Variants in DHRS12 observed in about 807,000 individuals in gnomAD.
DHRS12 encodes the protein dehydrogenase/reductase 12, also known as dehydrogenase/reductase SDR family member 12.
In DHRS12, 29 loss-of-function variants were observed where a neutral mutation model predicts 32.1. That is an observed-to-expected ratio of 0.90 (90% CI 0.67 to 1.23). The LOEUF is 1.23. DHRS12 is among the 50% of genes most tolerant of loss of function. DHRS12 has a pLI of 0.00. For missense variants in DHRS12, 330 were observed against 337.2 expected (o/e 0.98, Z 0.17); for synonymous variants, 150 against 135.9 (o/e 1.10, Z -0.72).
chr13:51,797,879 G>T (rs1379791933), intron 2 of DHRS12: 1 of 1,535,792 alleles, frequency 6.5e-7, no homozygotes, highest in Non-Finnish European at 8.7e-7. Context: ...GCTGGGGCTT[G>T]ATCTCGACAA....
intron 1 of DHRS12, among the ~76,000 whole-genome samples, chr13:51,800,445 G>C (rs536243832): frequency 6.6e-6 from 1 of 152,342 alleles, no homozygotes; most frequent in South Asian, 2.1e-4. Context: ...AAGGGCAGTG[G>C]TGGCAGAATG....
intron 2 of DHRS12, chr13:51,797,734 T>C (rs1955571057): frequency 3.0e-6 from 4 of 1,344,278 alleles, no homozygotes; most frequent in Non-Finnish European, 3.1e-6. Context: ...ACAGGCCCTC[T>C]TCAACCCAGG....
At chr13:51,792,451 G>A (rs1331706024) in intron 2 of DHRS12, among the ~76,000 whole-genome samples, 1 of 152,004 alleles carries the variant, frequency 6.6e-6, no homozygotes, top group African/African-American at 2.4e-5. Context: ...CCAGGCTAGA[G>A]TGCAGTGGCA....
At chr13:51,791,914 C>T (rs1455732124) in intron 2 of DHRS12, among the ~76,000 whole-genome samples, 1 of 152,212 alleles carries the variant, frequency 6.6e-6, no homozygotes, top group Non-Finnish European at 1.5e-5. Flanking sequence ...TCATCCATGT[C>T]GTTGCAGGAT....
chr13:51,785,351 A>C (rs1001264638), intron 4 of DHRS12, among the ~76,000 whole-genome samples: 36 of 152,178 alleles, frequency 2.4e-4, no homozygotes, highest in African/African-American at 8.0e-4. Context: ...TGTAAAAAAA[A>C]AAACAAACCC....
In DHRS12 at chr13:51,787,755, ATATATAAT is replaced by A. The variant is rs1355911197; in HGVS notation, c.301+2248_301+2255del. ...ACATATAATTATATTATATATTTTTATATATAATTATATAAATTATATATAATTTATAA... is the reference window on the plus strand; with the variant it reads ...ACATATAATTATATTATATATTTTTATATATAAATTATATATAATTTATAA... On this transcript the variant is annotated intron_variant, in intron 4 of 8. Transcript: ENST00000444610. 2.5e-4 allele frequency among the ~76,000 whole-genome samples: 16 copies of A among 63,886 alleles called. No individual in the cohort carries two copies. The East Asian group carries it at 0.013, about 52-fold the overall frequency. The allele number at this position is 63,886 out of a possible 152,430, so 41.9% of individuals were successfully genotyped here.
chr13:51,791,382 C>T, intron 2 of DHRS12, 125 bp from the exon 3 acceptor site: 3 of 509,710 alleles, frequency 5.9e-6, no homozygotes, highest in South Asian at 3.1e-5. Context: ...ACGGAAAATA[C>T]CAGTCCCACT....
At chr13:51,771,240 C>T (rs1253875513) in intron 7 of DHRS12, 3 of 1,551,688 alleles carry the variant, frequency 1.9e-6, no homozygotes, top group Admixed American at 3.9e-5. Context: ...CTGCTGCTTT[C>T]AGTTCCCTTG....
At chr13:51,793,659 C>G (rs1955381765) in intron 2 of DHRS12, among the ~76,000 whole-genome samples, 1 of 152,104 alleles carries the variant, frequency 6.6e-6, no homozygotes, top group Admixed American at 6.5e-5. Flanking sequence ...TGTGAAGGCC[C>G]TCACCCAGCC....
chr13:51,783,585 G>A (rs140686025), intron 4 of DHRS12, among the ~76,000 whole-genome samples: 4 of 152,148 alleles, frequency 2.6e-5, no homozygotes, highest in South Asian at 2.1e-4. Flanking sequence ...GGTGTGATTC[G>A]GAAGAACTCT....
intron 4 of DHRS12, among the ~76,000 whole-genome samples, chr13:51,780,555 C>T (rs1019560823): frequency 2.0e-4 from 31 of 152,208 alleles, no homozygotes; most frequent in African/African-American, 7.5e-4. Context: ...CCAAGGAACT[C>T]ATTATGTCGA....
intron 8 of DHRS12, chr13:51,768,711 C>G (rs1238673951): frequency 1.2e-5 from 13 of 1,128,780 alleles, no homozygotes; most frequent in Non-Finnish European, 1.3e-5. Context: ...ACTCACACGC[C>G]TGCCCCCTTA....
At chr13:51,784,650 A>G (rs1401513679) in intron 4 of DHRS12, among the ~76,000 whole-genome samples, 1 of 152,220 alleles carries the variant, frequency 6.6e-6, no homozygotes, top group East Asian at 1.9e-4. Flanking sequence ...ATTAGGAACA[A>G]AACGATGCAT....
intron 4 of DHRS12, among the ~76,000 whole-genome samples, chr13:51,780,092 G>A (rs1318424661): frequency 3.3e-5 from 5 of 152,202 alleles, no homozygotes; most frequent in East Asian, 3.9e-4. Flanking sequence ...CAGGAGAATC[G>A]CTTGAACCCA....
the DHRS12 span, chr13:51,760,209 C>T: frequency 6.4e-6 from 1 of 155,442 alleles, no homozygotes; most frequent in South Asian, 2.0e-4. Flanking sequence ...TCTTCTCTTC[C>T]CTCTGCACCT....
At position 51,777,088 on chromosome 13, in the gene DHRS12, A is replaced by G; in HGVS notation, c.335T>C (p.Val112Ala). The G allele has an allele frequency of 1.2e-6, 2 of 1,614,074 alleles. No homozygotes were observed. The highest frequency in any genetic ancestry group is 1.7e-6 in the Non-Finnish European group (2 of 1,180,020). Reference sequence around the variant, plus strand: ...TCGGGGGTCGTGTTCTTTCTCCAGCACAGGGATCAGGCCGGTCGTGAGAAT... The same window carrying G: ...TCGGGGGTCGTGTTCTTTCTCCAGCGCAGGGATCAGGCCGGTCGTGAGAAT... The part of the protein sequence containing the change: ...VYILTTGLIP[V>A]LEKEHDPRVI... Residue 112 changes from valine to alanine, a missense_variant, in exon 5 of 9, where the codon GTG (valine) becomes GCG (alanine). Physicochemically the swap from Val to Ala is moderately conservative, Grantham distance 64 (BLOSUM62 0). Transcript: ENST00000444610.
intron 2 of DHRS12, among the ~76,000 whole-genome samples, chr13:51,798,742 C>A (rs1955620374): frequency 6.6e-6 from 1 of 152,198 alleles, no homozygotes; most frequent in South Asian, 2.1e-4. Flanking sequence ...AAAAAGAAAA[C>A]ATCTTCAGCA....
intron 4 of DHRS12, chr13:51,789,637 T>C: frequency 3.0e-6 from 3 of 985,450 alleles, no homozygotes; most frequent in Non-Finnish European, 3.6e-6. Context: ...TCTTGGTCCA[T>C]CTTCTTGCCC....
chr13:51,803,907 G>A (rs1955873286), intron 1 of DHRS12, 147 bp downstream of exon 1: 2 of 674,172 alleles, frequency 3.0e-6, no homozygotes, highest in Non-Finnish European at 4.2e-6. Context: ...TCGCTAGACG[G>A]CGGGCGCACC....
Sources: allele counts gnomAD v4.1 joint callset (sites outside exome capture counted in the v4.1 genomes callset), GRCh38; gene constraint gnomAD v4.1.1; transcripts MANE v1.5; gene names NCBI Gene and HGNC (gene_info 2026-07-23, HGNC 2026-07-21).